Variants in CNTNAP2 observed in about 807,000 individuals in gnomAD.
CNTNAP2 encodes contactin-associated protein-like 2.
CNTNAP2 carries 98 observed loss-of-function variants against 155.2 expected under a neutral mutation model. The ratio of observed to expected loss-of-function variants is 0.63; its 90% CI spans 0.54 to 0.75. The LOEUF is 0.75. Among genes scored for constraint, CNTNAP2 ranks in the 30% least tolerant of loss-of-function variants. The pLI is 0.00. For missense variants in CNTNAP2, 1,727 were observed against 1,688.1 expected (o/e 1.02, Z -0.40); for synonymous variants, 651 against 631.2 (o/e 1.03, Z -0.47).
At chr7:146,678,956 CTCA>C (rs1310753309) in intron 1 of CNTNAP2, among the ~76,000 whole-genome samples, 64 of 152,118 alleles carry the variant, frequency 4.2e-4, no homozygotes, top group African/African-American at 1.3e-3. Flanking sequence ...GAGTATTTGA[CTCA>C]TCATGTCACT....
At chr7:146,505,970 C>A (rs79591678) in intron 1 of CNTNAP2, among the ~76,000 whole-genome samples, 10,034 of 152,210 alleles carry the variant, frequency 0.066, 822 homozygotes, top group African/African-American at 0.19. Context: ...TTTCAGGAGT[C>A]CCTTATATCA....
At chr7:146,343,612 AT>A (rs1236286845) in intron 1 of CNTNAP2, among the ~76,000 whole-genome samples, 1 of 152,190 alleles carries the variant, frequency 6.6e-6, no homozygotes, top group Non-Finnish European at 1.5e-5. Flanking sequence ...TAAAATGAGG[AT>A]TTTTTAAAAA....
intron 8 of CNTNAP2, among the ~76,000 whole-genome samples, chr7:147,179,537 A>C (rs1802414319): frequency 6.6e-6 from 1 of 152,214 alleles, no homozygotes; most frequent in African/African-American, 2.4e-5. Context: ...TGTGAGTGAG[A>C]ATAATATTAT....
chr7:147,989,392 G>A (rs1801673623), intron 15 of CNTNAP2, among the ~76,000 whole-genome samples: 1 of 152,186 alleles, frequency 6.6e-6, no homozygotes, highest in Non-Finnish European at 1.5e-5. Flanking sequence ...CTGCAAATGA[G>A]AATAATTGTA....
intron 13 of CNTNAP2, among the ~76,000 whole-genome samples, chr7:147,796,306 A>G (rs1047571429): frequency 7.9e-5 from 12 of 152,296 alleles, no homozygotes; most frequent in African/African-American, 2.9e-4. Context: ...GACCCGCTCT[A>G]ATTGGCCTCA....
intron 1 of CNTNAP2, among the ~76,000 whole-genome samples, chr7:146,497,024 A>T (rs76769107): frequency 1.3e-4 from 20 of 152,296 alleles, no homozygotes; most frequent in South Asian, 1.2e-3. Context: ...CAGTACATGT[A>T]ATCTCCTTTC....
chr7:147,091,543 C>T (rs372190547), intron 4 of CNTNAP2, among the ~76,000 whole-genome samples: 3 of 152,026 alleles, frequency 2.0e-5, no homozygotes, highest in East Asian at 1.9e-4. Flanking sequence ...CCTCCGCCTA[C>T]GGGGTTCAAA....
At chr7:146,350,215 C>A (rs1794891496) in intron 1 of CNTNAP2, among the ~76,000 whole-genome samples, 1 of 152,106 alleles carries the variant, frequency 6.6e-6, no homozygotes, top group African/African-American at 2.4e-5. Flanking sequence ...TCATTTCATT[C>A]ATTTCGTCTT....
At chr7:146,356,540 G>T (rs1352930675) in intron 1 of CNTNAP2, among the ~76,000 whole-genome samples, 1 of 152,056 alleles carries the variant, frequency 6.6e-6, no homozygotes, top group Non-Finnish European at 1.5e-5. Flanking sequence ...TAAGACAGTG[G>T]AATCAATAAG....
chr7:148,354,582 G>A (rs1156927527), intron 21 of CNTNAP2, among the ~76,000 whole-genome samples: 4 of 152,022 alleles, frequency 2.6e-5, no homozygotes. Context: ...AAGAAGAGGG[G>A]TCTTGGTCCT....
In CNTNAP2 at chr7:146,352,909, C is replaced by T. The variant is rs573153419; in HGVS notation, c.97+235936C>T. Among the ~76,000 whole-genome samples, 297 of 150,842 alleles carry T rather than the reference C, an allele frequency of 2.0e-3. 1 individual carries two copies. In the Middle Eastern group the frequency reaches 0.02, roughly 10 times the overall value. On this transcript the variant is annotated intron_variant, in intron 1 of 23. Transcript: ENST00000361727. ...CGCTAGGACTACAGGCACCCGCCAC[C>T]ACGCCCGGCTAATTTTTTGTATTTT... is the stretch of plus-strand genomic sequence containing the variant.
chr7:146,874,459 C>T (rs1477906013), intron 3 of CNTNAP2, among the ~76,000 whole-genome samples: 2 of 152,148 alleles, frequency 1.3e-5, no homozygotes, highest in Non-Finnish European at 2.9e-5. Context: ...CCTGCCTCGG[C>T]TTCCCGAGTA....
Position 146,985,974 on chromosome 7 carries a change from AC to A in CNTNAP2, c.403-57932del, listed in dbSNP as rs199789838. Among the ~76,000 whole-genome samples, 250 of 152,166 alleles carry A rather than the reference AC, an allele frequency of 1.6e-3. 2 individuals carry two copies. The East Asian group carries it at 0.021, about 13-fold the overall frequency. On this transcript the variant is annotated intron_variant, in intron 3 of 23. Coordinates refer to ENST00000361727, the MANE Select transcript of CNTNAP2 (RefSeq NM_014141.6). ...TTTAAGAAAAAATGATTTTTTGGTA[AC>A]ACTTTAGGTTGCAATTTTTTTAATT...
intron 18 of CNTNAP2, among the ~76,000 whole-genome samples, chr7:148,201,415 A>T (rs150896758): frequency 2.6e-5 from 4 of 152,208 alleles, no homozygotes; most frequent in African/African-American, 9.6e-5. Context: ...CCATTTTTCT[A>T]ATATTGCTCA....
intron 3 of CNTNAP2, among the ~76,000 whole-genome samples, chr7:146,858,165 T>G (rs1795029855): frequency 6.6e-6 from 1 of 152,216 alleles, no homozygotes; most frequent in Non-Finnish European, 1.5e-5. Flanking sequence ...AACTCAAGTC[T>G]GAGGAGGACA....
chr7:146,775,336 C>G (rs897469749), intron 2 of CNTNAP2, among the ~76,000 whole-genome samples: 37 of 152,036 alleles, frequency 2.4e-4, no homozygotes, highest in African/African-American at 8.9e-4. Context: ...TGAAAAATAA[C>G]TGTGTTGTGA....
rs75752736 is a variant in CNTNAP2 at position 146,873,784 on chromosome 7, C to T, written c.402+33880C>T. Reference sequence around the variant, plus strand: ...TTACAATTTGAGGGGGAAGTGTTTACTACATTCAGAGAGCCTGGGTCATAT... The same window carrying T: ...TTACAATTTGAGGGGGAAGTGTTTATTACATTCAGAGAGCCTGGGTCATAT... On this transcript the variant is annotated intron_variant, in intron 3 of 23. Transcript: ENST00000361727. 8.1e-3 allele frequency among the ~76,000 whole-genome samples: 1,239 copies of T among 152,184 alleles called. 14 individuals carry two copies. Among genetic ancestry groups the T allele is most frequent in the African/African-American group, 0.028 (1,177 of 41,530 alleles).
intron 1 of CNTNAP2, among the ~76,000 whole-genome samples, chr7:146,520,335 T>TAC (rs1797600776): frequency 7.0e-6 from 1 of 143,696 alleles, no homozygotes; most frequent in South Asian, 2.2e-4. Flanking sequence ...TATATATATA[T>TAC]ATCTTGAGAT....
intron 14 of CNTNAP2, among the ~76,000 whole-genome samples, chr7:147,913,700 G>A (rs559623295): frequency 1.6e-4 from 25 of 152,266 alleles, no homozygotes; most frequent in African/African-American, 6.0e-4. Context: ...GACCATCTAC[G>A]TTTATGTTCC....
Sources: gnomAD v4.1 joint callset for allele counts (sites outside exome capture counted in the v4.1 genomes callset) on GRCh38, gnomAD v4.1.1 for gene constraint, MANE v1.5 for transcripts, NCBI Gene and HGNC (gene_info 2026-07-23, HGNC 2026-07-21) for gene names.